Variants in KIF2A observed in about 807,000 individuals in gnomAD.
The protein encoded by KIF2A is kinesin-like protein KIF2A.
A neutral mutation model predicts 100.2 loss-of-function variants in KIF2A; 22 were observed. The ratio of observed to expected loss-of-function variants is 0.22; its 90% confidence interval spans 0.16 to 0.31. The LOEUF is 0.31. Among genes scored for constraint, KIF2A ranks in the 10% least tolerant of loss-of-function variants. KIF2A has a pLI of 1.00. For missense variants in KIF2A, 495 were observed against 898.7 expected, an observed-to-expected ratio of 0.55 and a Z score of 5.74; for synonymous variants, 268 against 285.9, an observed-to-expected ratio of 0.94 and a Z score of 0.63.
intron 1 of KIF2A, among the ~76,000 whole-genome samples, chr5:62,334,666 A>G (rs1201714281): frequency 1.3e-5 from 2 of 151,952 alleles, no homozygotes; most frequent in African/African-American, 2.4e-5. Flanking sequence ...GTTTGCTCAC[A>G]GGTCCAGCCG....
At chr5:62,346,178 A>C (rs1048387070) in intron 1 of KIF2A, among the ~76,000 whole-genome samples, 2 of 152,132 alleles carry the variant, frequency 1.3e-5, no homozygotes, top group Admixed American at 6.5e-5. Context: ...TTATCAGATA[A>C]AACCTACAGT....
chr5:62,387,428 TTTA>T lies in KIF2A; in HGVS notation c.*1865_*1867del, dbSNP rs1167959214. The T allele has an allele frequency of 2.0e-5, 3 of 152,212 alleles. No homozygotes were observed. The highest frequency in any genetic ancestry group is 2.9e-5 in the Non-Finnish European group (2 of 68,032). 9.4% of individuals were successfully genotyped at this position (152,212 alleles called of 1,614,324 possible). A position where few individuals can be genotyped will look rare whatever the true frequency, so the allele number is the denominator to read the frequency against. On this transcript the variant is annotated 3_prime_UTR_variant, in exon 21 of 21. Coordinates refer to ENST00000407818, the MANE Select transcript of KIF2A (RefSeq NM_001098511.3). ...AGCACAACAGATGATTAGCTTCAAA[TTTA>T]TTATTTGCATTGGATGGGTACTGTC...
At chr5:62,366,637 CTG>C (rs1741082427) in intron 16 of KIF2A, among the ~76,000 whole-genome samples, 156 bp downstream of exon 16, 1 of 152,074 alleles carries the variant, frequency 6.6e-6, no homozygotes, top group African/African-American at 2.4e-5. Context: ...CGAGATTATC[CTG>C]GCTAACATGG....
chr5:62,379,032 T>C (rs979182026), intron 19 of KIF2A, among the ~76,000 whole-genome samples: 2 of 150,868 alleles, frequency 1.3e-5, no homozygotes, highest in African/African-American at 4.9e-5. Context: ...TCCCAGCACT[T>C]TGGGAGGCCA....
Position 62,390,351 on chromosome 5 carries a change from G to C in KIF2A, c.*4782G>C, listed in dbSNP as rs1049423307. Among the ~76,000 whole-genome samples the C allele has an allele frequency of 2.0e-5, 3 of 152,162 alleles. No individual in the cohort carries two copies. The highest frequency in any genetic ancestry group is 6.5e-5 in the Admixed American group (1 of 15,276). ...AGATAATTATGACAGCTTTTTACTTGAGAAGTGTAGAACTTGCTTCAGGCT... is the reference window on the plus strand; with the variant it reads ...AGATAATTATGACAGCTTTTTACTTCAGAAGTGTAGAACTTGCTTCAGGCT... On this transcript the variant is annotated 3_prime_UTR_variant, in exon 21 of 21. Coordinates refer to ENST00000407818, the MANE Select transcript of KIF2A (RefSeq NM_001098511.3).
Position 62,389,117 on chromosome 5 carries a change from G to T in KIF2A, c.*3548G>T. 1.5e-6 allele frequency: 2 copies of T among 1,324,522 alleles called. No homozygotes were observed. The highest frequency in any genetic ancestry group is 2.1e-6 in the Non-Finnish European group (2 of 936,410). 82.0% of individuals were successfully genotyped at this position (1,324,522 alleles called of 1,614,324 possible). A position where few individuals can be genotyped will look rare whatever the true frequency, so the allele number is the denominator to read the frequency against. On this transcript the variant is annotated 3_prime_UTR_variant, in exon 21 of 21. Coordinates refer to ENST00000407818, the MANE Select transcript of KIF2A (RefSeq NM_001098511.3). ...AATTTGTAGCACATAACGGTATATA[G>T]TTCTATACCATTAATACTAAAACAT... is the stretch of plus-strand genomic sequence containing the variant.
rs1443724620 is a variant in KIF2A at position 62,386,270 on chromosome 5, G to C, written c.*701G>C. 1 of 152,536 alleles carries C rather than the reference G, an allele frequency of 6.6e-6. No homozygotes were observed. Among genetic ancestry groups the C allele is most frequent in the Non-Finnish European group, 1.5e-5 (1 of 68,032 alleles). 9.4% of individuals were successfully genotyped at this position (152,536 alleles called of 1,614,324 possible). A position where few individuals can be genotyped will look rare whatever the true frequency, so the allele number is the denominator to read the frequency against. On this transcript the variant is annotated 3_prime_UTR_variant, in exon 21 of 21. Coordinates refer to ENST00000407818, the MANE Select transcript of KIF2A (RefSeq NM_001098511.3). ...TCCATCTTATATGTAAAGAAATCTGGAATTATTATTTTAAAACCATATAAC... is the reference window on the plus strand; with the variant it reads ...TCCATCTTATATGTAAAGAAATCTGCAATTATTATTTTAAAACCATATAAC...
intron 18 of KIF2A, among the ~76,000 whole-genome samples, chr5:62,375,666 T>C (rs775994406): frequency 9.2e-5 from 14 of 152,248 alleles, no homozygotes; most frequent in Non-Finnish European, 2.1e-4. Context: ...CTTACTACTT[T>C]TTGTTACCAT....
intron 1 of KIF2A, among the ~76,000 whole-genome samples, chr5:62,312,316 T>C (rs2111773538): frequency 6.6e-6 from 1 of 152,344 alleles, no homozygotes; most frequent in African/African-American, 2.4e-5. Context: ...AAGAGCCAGT[T>C]AAATCTGTGT....
At chr5:62,306,882 G>T (rs954012698) in intron 1 of KIF2A, 2 of 301,424 alleles carry the variant, frequency 6.6e-6, no homozygotes, top group Non-Finnish European at 1.2e-5. Context: ...GGGAGGGAGC[G>T]GGCTTCGTTA....
At chr5:62,306,581 C>G (rs932841551) in intron 1 of KIF2A, 45 bp downstream of exon 1, 3 of 1,481,290 alleles carry the variant, frequency 2.0e-6, no homozygotes, top group Non-Finnish European at 2.8e-6. Context: ...GCCCCGTGTT[C>G]GGGTGTGCAC....
chr5:62,374,565 TCTG>T (rs1361084491), intron 18 of KIF2A, among the ~76,000 whole-genome samples: 11 of 152,330 alleles, frequency 7.2e-5, no homozygotes, highest in African/African-American at 2.6e-4. Context: ...CAGATTTTTG[TCTG>T]CTATTAAAAT....
At chr5:62,371,770 A>G (rs1741339528) in intron 16 of KIF2A, among the ~76,000 whole-genome samples, 1 of 152,216 alleles carries the variant, frequency 6.6e-6, no homozygotes, top group South Asian at 2.1e-4. Context: ...GACATAAGGA[A>G]TTACATAGAT....
chr5:62,356,894 T>G (rs1012033419), intron 7 of KIF2A, among the ~76,000 whole-genome samples: 7 of 151,594 alleles, frequency 4.6e-5, no homozygotes, highest in Non-Finnish European at 8.8e-5. Flanking sequence ...CAGGCAATTC[T>G]CGTGCCTCAG....
chr5:62,321,593 T>A (rs1393399305), intron 1 of KIF2A, among the ~76,000 whole-genome samples: 1 of 152,106 alleles, frequency 6.6e-6, no homozygotes, highest in Admixed American at 6.6e-5. Flanking sequence ...GATAGAGTCT[T>A]ATTCTGTCTC....
At chr5:62,322,310 T>C (rs1269607853) in intron 1 of KIF2A, among the ~76,000 whole-genome samples, 1 of 152,356 alleles carries the variant, frequency 6.6e-6, no homozygotes, top group East Asian at 1.9e-4. Flanking sequence ...TAGATATTTT[T>C]TCTCATTCTG....
At chr5:62,328,604 G>C (rs1037624944) in intron 1 of KIF2A, among the ~76,000 whole-genome samples, 2 of 152,022 alleles carry the variant, frequency 1.3e-5, no homozygotes, top group African/African-American at 4.8e-5. Flanking sequence ...TGATTCTCCT[G>C]CCTCAGCCTC....
At chr5:62,317,177 T>A (rs1025679877) in intron 1 of KIF2A, among the ~76,000 whole-genome samples, 6 of 152,116 alleles carry the variant, frequency 3.9e-5, no homozygotes, top group Admixed American at 1.3e-4. Flanking sequence ...GCCTCCCAAG[T>A]AGCTGGGATT....
At chr5:62,374,994 A>G (rs1446225093) in intron 18 of KIF2A, among the ~76,000 whole-genome samples, 4 of 152,200 alleles carry the variant, frequency 2.6e-5, no homozygotes, top group Non-Finnish European at 5.9e-5. Flanking sequence ...GAAAGGATGT[A>G]TGCACTATAT....
Sources: allele counts gnomAD v4.1 joint callset (sites outside exome capture counted in the v4.1 genomes callset), GRCh38; gene constraint gnomAD v4.1.1; transcripts MANE v1.5; gene names NCBI Gene and HGNC (gene_info 2026-07-23, HGNC 2026-07-21).